The following CAPN3 variants were observed in gnomAD, a reference collection of about 807,000 sequenced individuals.
CAPN3 encodes calpain-3.
A neutral mutation model predicts 114.0 loss-of-function variants in CAPN3; 88 were observed. The ratio of observed to expected loss-of-function variants is 0.77; its 90% CI spans 0.65 to 0.92. The LOEUF (loss-of-function observed/expected upper bound fraction) is 0.92. CAPN3 is among the 40% of genes least tolerant of loss of function. The probability of loss-of-function intolerance (pLI) is 0.00; values close to 1 mark genes in which losing one functional copy is unlikely to be tolerated. For synonymous variants in CAPN3, 386 were observed against 382.9 expected (o/e 1.01, Z -0.09); for missense variants, 1,028 against 1,069.0 (o/e 0.96, Z 0.53).
At chr15:42,368,926 C>T (rs951213274) in intron 1 of CAPN3, among the ~76,000 whole-genome samples, 2 of 152,062 alleles carry the variant, frequency 1.3e-5, no homozygotes, top group Admixed American at 6.5e-5. Flanking sequence ...GTGGTTTGTG[C>T]CTATAGTCCT....
intron 16 of CAPN3, chr15:42,408,890 T>G (rs767639679): frequency 3.5e-6 from 1 of 287,014 alleles, no homozygotes; most frequent in Non-Finnish European, 6.7e-6. Flanking sequence ...ATCTGGGGCC[T>G]CATGCAGTGG....
intron 1 of CAPN3, among the ~76,000 whole-genome samples, chr15:42,363,347 CAGAAT>C (rs1325286726): frequency 6.6e-6 from 1 of 152,154 alleles, no homozygotes; most frequent in Non-Finnish European, 1.5e-5. Flanking sequence ...GATCCCAGGG[CAGAAT>C]AGAATGGGTT....
chr15:42,402,218 C>T lies in CAPN3; in HGVS notation c.1536+83C>T, dbSNP rs1566980731. The T allele has an allele frequency of 8.1e-6, 13 of 1,608,778 alleles. No homozygotes were observed. In the East Asian group the frequency reaches 2.5e-4, roughly 30 times the overall value. ...CTGTCTGTGGCTCGTCGAGAAGCTT[C>T]CTGGTGGGGTTTGTGGGCAGGACTG... On this transcript the variant is annotated intron_variant, in intron 12 of 23. Coordinates refer to ENST00000397163, the MANE Select transcript of CAPN3 (RefSeq NM_000070.3).
intron 9 of CAPN3, among the ~76,000 whole-genome samples, chr15:42,397,338 C>G (rs1003349053): frequency 3.3e-5 from 5 of 152,198 alleles, no homozygotes; most frequent in Non-Finnish European, 5.9e-5. Context: ...TGATGCTCAT[C>G]ACCCTTAAAA....
At chr15:42,361,471 C>G (rs2052641965) in intron 1 of CAPN3, among the ~76,000 whole-genome samples, 1 of 152,062 alleles carries the variant, frequency 6.6e-6, no homozygotes, top group Non-Finnish European at 1.5e-5. Context: ...GACCCAGTCT[C>G]AAACAACAAC....
At chr15:42,411,381 T>C (rs773644837) in intron 23 of CAPN3, 36 bp downstream of exon 23, 1 of 1,599,588 alleles carries the variant, frequency 6.3e-7, no homozygotes, top group Admixed American at 1.7e-5. Context: ...CCCTACACAT[T>C]AAAACTCAAG....
intron 15 of CAPN3, among the ~76,000 whole-genome samples, chr15:42,406,929 C>T (rs1276502304): frequency 6.6e-6 from 1 of 152,158 alleles, no homozygotes. Flanking sequence ...GCTGGGGAGC[C>T]GTTTCCACGG....
chr15:42,391,962 G>A (rs898974377), intron 6 of CAPN3, among the ~76,000 whole-genome samples: 3 of 152,074 alleles, frequency 2.0e-5, no homozygotes, highest in African/African-American at 7.2e-5. Context: ...TCAGGAGTTC[G>A]AGACCAGCCT....
intron 6 of CAPN3, among the ~76,000 whole-genome samples, chr15:42,391,796 C>T (rs907722604): frequency 3.9e-5 from 6 of 152,128 alleles, no homozygotes; most frequent in Non-Finnish European, 8.8e-5. Flanking sequence ...GAATTCTCTC[C>T]CTGGGCACTG....
intron 1 of CAPN3, among the ~76,000 whole-genome samples, chr15:42,371,478 G>A (rs8033882): frequency 0.053 from 8,004 of 152,234 alleles, 650 homozygotes; most frequent in African/African-American, 0.17. Context: ...ACACTTGTCT[G>A]TTCCTTGATC....
Position 42,389,999 on chromosome 15 carries a change from TGGG to T in CAPN3, c.851_853del (p.Gly284del), listed in dbSNP as rs761257703. The T allele has an allele frequency of 3.7e-6, 6 of 1,613,938 alleles. No homozygotes were observed. The highest frequency in any genetic ancestry group is 4.2e-6 in the Non-Finnish European group (5 of 1,180,004). On this transcript the variant is annotated inframe_deletion, in exon 6 of 24. Coordinates refer to ENST00000397163, the MANE Select transcript of CAPN3 (RefSeq NM_000070.3). ...GGAACCTCTCCTTCTGGTCTGAACA[TGGG>T]GGAGTTGATTGCACGGATGGTAAGG...
Position 42,387,779 on chromosome 15 carries a change from C to T in CAPN3, c.525C>T (p.Asp175=), listed in dbSNP as rs144383442. 9.5e-4 allele frequency: 1,541 copies of T among 1,614,144 alleles called. 2 individuals carry two copies. Among genetic ancestry groups the T allele is most frequent in the Non-Finnish European group, 1.2e-3 (1,420 of 1,180,022 alleles). Residue 175 remains aspartate (D), a synonymous_variant, in exon 4 of 24, where the codon GAC becomes GAT. Transcript: ENST00000397163. ...FQFWRYGEWV[D]VVIDDCLPTY... ...TCTGGCGCTATGGAGAGTGGGTGGA[C>T]GTGGTTATAGATGACTGCCTGCCAA...
chr15:42,397,524 G>A (rs913220715), intron 9 of CAPN3, among the ~76,000 whole-genome samples: 4 of 152,004 alleles, frequency 2.6e-5, no homozygotes, highest in African/African-American at 9.7e-5. Flanking sequence ...TGCGCCTGTA[G>A]TCCTAGCTGC....
rs1180326673 is a variant in CAPN3 at position 42,389,040 on chromosome 15, T to C, written c.745T>C (p.Tyr249His). ...GATCAGGGATGCTCCTAGTGACATG[T>C]ACAAGATCATGAAGAAAGCCATCGA... ...FEIRDAPSDM[Y>H]KIMKKAIERG... Residue 249 changes from tyrosine (Y) to histidine (H), a missense_variant, in exon 5 of 24, where the codon TAC (tyrosine) becomes CAC (histidine). Transcript: ENST00000397163. 6.8e-6 allele frequency: 11 copies of C among 1,614,080 alleles called. No individual in the cohort carries two copies. Among genetic ancestry groups the C allele is most frequent in the Non-Finnish European group, 9.3e-6 (11 of 1,179,990 alleles).
At chr15:42,379,320 A>G (rs530783973) in intron 1 of CAPN3, among the ~76,000 whole-genome samples, 1 of 152,138 alleles carries the variant, frequency 6.6e-6, no homozygotes, top group South Asian at 2.1e-4. Flanking sequence ...CAAAAAAAAA[A>G]AATTGGTTAA....
At chr15:42,403,719 C>G in intron 13 of CAPN3, 22 bp from the exon 14 acceptor site, 1 of 1,612,348 alleles carries the variant, frequency 6.2e-7, no homozygotes, top group Non-Finnish European at 8.5e-7. Flanking sequence ...ACTGAGACCC[C>G]ACATGTCTGT....
intron 1 of CAPN3, among the ~76,000 whole-genome samples, chr15:42,361,020 A>G (rs2052629303): frequency 6.6e-6 from 1 of 152,246 alleles, no homozygotes; most frequent in South Asian, 2.1e-4. Context: ...GAAGATGGGC[A>G]TTGAACAAGA....
At chr15:42,398,513 G>A (rs1424310378) in intron 9 of CAPN3, among the ~76,000 whole-genome samples, 1 of 151,328 alleles carries the variant, frequency 6.6e-6, no homozygotes, top group African/African-American at 2.4e-5. Flanking sequence ...GACCTCAGGA[G>A]GTGGAGGTTG....
At position 42,402,841 on chromosome 15, in the gene CAPN3, C is replaced by G. The variant is rs530529988; in HGVS notation, c.1584C>G (p.Asn528Lys). Reference sequence around the variant, plus strand: ...TGCAGAAGGACTTCTTCCTGTACAACGCCTCCAAGGCCAGGAGCAAAACCT... The same window carrying G: ...TGCAGAAGGACTTCTTCCTGTACAAGGCCTCCAAGGCCAGGAGCAAAACCT... ...QHLQKDFFLY[N>K]ASKARSKTYI... is the part of the protein sequence containing the mutation. Residue 528 changes from asparagine to lysine, a missense_variant, in exon 13 of 24, where the codon AAC becomes AAG. By Grantham distance (94) the Asn-to-Lys change is moderately conservative. Transcript: ENST00000397163. 1 of 1,614,194 alleles carries G rather than the reference C, an allele frequency of 6.2e-7. No homozygotes were observed. Among genetic ancestry groups the G allele is most frequent in the Non-Finnish European group, 8.5e-7 (1 of 1,180,012 alleles).
Sources: gnomAD v4.1 joint callset for allele counts (sites outside exome capture counted in the v4.1 genomes callset) on GRCh38, gnomAD v4.1.1 for gene constraint, MANE v1.5 for transcripts, NCBI Gene and HGNC (gene_info 2026-07-23, HGNC 2026-07-21) for gene names.